The following LOC728743 variants were observed in gnomAD, a reference collection of about 807,000 sequenced individuals.
At chr7:150,402,730 CCTG>C in the LOC728743 span, among the ~76,000 whole-genome samples, 6 of 152,004 alleles carry the variant, frequency 3.9e-5, no homozygotes, top group Admixed American at 6.5e-5. Flanking sequence ...AGGTGGTTGC[CCTG>C]CTGAGTGAGG....
At chr7:150,410,476 G>A in the LOC728743 span, 9 of 342,012 alleles carry the variant, frequency 2.6e-5, no homozygotes, top group East Asian at 1.7e-4. Context: ...GACGATGCCT[G>A]TGTGGAGAGC....
the LOC728743 span, chr7:150,405,951 C>CACG: frequency 6.6e-6 from 1 of 152,364 alleles, no homozygotes; most frequent in Non-Finnish European, 1.5e-5. Flanking sequence ...GACGGGGGGC[C>CACG]TTTCGGCGTG....
At chr7:150,405,033 AAC>A in the LOC728743 span, 22 of 152,230 alleles carry the variant, frequency 1.4e-4, no homozygotes, top group Admixed American at 1.4e-3. Context: ...ATGGTGCTAT[AAC>A]GGCCGAATGC....
At chr7:150,402,561 G>A in the LOC728743 span, among the ~76,000 whole-genome samples, 6 of 152,370 alleles carry the variant, frequency 3.9e-5, no homozygotes, top group Admixed American at 1.3e-4. Context: ...ACAAAGAGAC[G>A]CTAAAATAGT....
chr7:150,402,535 A>G, the LOC728743 span, among the ~76,000 whole-genome samples: 1 of 152,210 alleles, frequency 6.6e-6, no homozygotes, highest in Non-Finnish European at 1.5e-5. Flanking sequence ...GACCTATTGT[A>G]TGCTGGACAC....
chr7:150,407,085 C>A, the LOC728743 span, among the ~76,000 whole-genome samples: 5 of 152,184 alleles, frequency 3.3e-5, no homozygotes, highest in Non-Finnish European at 7.3e-5. Flanking sequence ...TAAGACATAT[C>A]TAGACGAAGG....
At chr7:150,402,150 A>AG in the LOC728743 span, among the ~76,000 whole-genome samples, 1 of 152,238 alleles carries the variant, frequency 6.6e-6, no homozygotes. Flanking sequence ...GCCCATGGAA[A>AG]GGGAAAAAAG....
chr7:150,410,427 G>T, the LOC728743 span: 1 of 377,364 alleles, frequency 2.6e-6, no homozygotes, highest in East Asian at 3.8e-5. Context: ...CATCCTGGCT[G>T]CCTGGCCACA....
At chr7:150,408,452 A>G in the LOC728743 span, 4 of 338,066 alleles carry the variant, frequency 1.2e-5, no homozygotes, top group Admixed American at 4.8e-5. Context: ...GGCTCCTGCC[A>G]TGGTTCTCCT....
the LOC728743 span, among the ~76,000 whole-genome samples, chr7:150,404,171 G>A: frequency 6.6e-6 from 1 of 152,212 alleles, no homozygotes; most frequent in African/African-American, 2.4e-5. Flanking sequence ...CTACAGAGAG[G>A]CCACAGAGAA....
At chr7:150,409,302 T>C in the LOC728743 span, among the ~76,000 whole-genome samples, 1 of 152,078 alleles carries the variant, frequency 6.6e-6, no homozygotes, top group Admixed American at 6.5e-5. Flanking sequence ...TCAGAGGCAC[T>C]GTGAGGACAG....
the LOC728743 span, among the ~76,000 whole-genome samples, chr7:150,407,226 A>T: frequency 6.6e-6 from 1 of 152,260 alleles, no homozygotes; most frequent in South Asian, 2.1e-4. Flanking sequence ...CTCTGTCCTT[A>T]GGGTGCTGGG....
At chr7:150,401,274 A>G in the LOC728743 span, among the ~76,000 whole-genome samples, 1 of 152,224 alleles carries the variant, frequency 6.6e-6, no homozygotes, top group South Asian at 2.1e-4. Flanking sequence ...GTCGTCCGGT[A>G]AGGCAGTCGG....
At chr7:150,408,381 C>T in the LOC728743 span, 4 of 362,434 alleles carry the variant, frequency 1.1e-5, no homozygotes, top group African/African-American at 6.4e-5. Context: ...CCGCCAGGCT[C>T]CGGCCGCCCG....
At chr7:150,407,435 C>G in the LOC728743 span, 1 of 397,108 alleles carries the variant, frequency 2.5e-6, no homozygotes, top group Non-Finnish European at 4.4e-6. Flanking sequence ...CAATTCCCAG[C>G]AGGGGAACTT....
chr7:150,407,966 A>G, the LOC728743 span: 3 of 404,036 alleles, frequency 7.4e-6, no homozygotes, highest in Non-Finnish European at 1.3e-5. Context: ...GCGCATCCAC[A>G]GCGGCGAGAA....
the LOC728743 span, among the ~76,000 whole-genome samples, chr7:150,402,329 A>G: frequency 2.0e-4 from 31 of 152,166 alleles, no homozygotes; most frequent in Admixed American, 5.2e-4. Flanking sequence ...TGAGCCTCAC[A>G]TCTCCATCCA....
At chr7:150,406,348 G>C in the LOC728743 span, among the ~76,000 whole-genome samples, 226 of 152,294 alleles carry the variant, frequency 1.5e-3, 1 homozygote, top group African/African-American at 4.8e-3. Context: ...TTTTGGTGGG[G>C]GTCGTGGGAG....
At chr7:150,408,187 C>A in the LOC728743 span, 1 of 392,462 alleles carries the variant, frequency 2.5e-6, no homozygotes, top group South Asian at 1.3e-4. Flanking sequence ...GCCACGGGCC[C>A]GAGGGCCAGG....
Sources: gnomAD v4.1 joint callset for allele counts (sites outside exome capture counted in the v4.1 genomes callset) on GRCh38, gnomAD v4.1.1 for gene constraint, MANE v1.5 for transcripts.